The following NKAIN2 variants were observed in gnomAD, a reference collection of about 807,000 sequenced individuals.
NKAIN2 encodes sodium/potassium transporting ATPase interacting 2.
NKAIN2 carries 14 observed loss-of-function variants against 32.6 expected under a neutral mutation model. The ratio of observed to expected loss-of-function variants is 0.43; its 90% CI spans 0.28 to 0.67. The LOEUF is 0.67. NKAIN2 is among the 30% of genes least tolerant of loss of function. The pLI is 0.17. For missense variants in NKAIN2, 198 were observed against 258.3 expected, an observed-to-expected ratio of 0.77 and a Z score of 1.60; for synonymous variants, 80 against 87.2, an observed-to-expected ratio of 0.92 and a Z score of 0.46.
intron 1 of NKAIN2, among the ~76,000 whole-genome samples, chr6:124,072,517 C>T (rs538645436): frequency 7.2e-5 from 11 of 152,054 alleles, no homozygotes; most frequent in Non-Finnish European, 1.6e-4. Context: ...AAAGAAATTT[C>T]ATTTTCCCCT....
intron 2 of NKAIN2, among the ~76,000 whole-genome samples, chr6:124,310,756 G>A (rs972851434): frequency 2.6e-5 from 4 of 152,054 alleles, no homozygotes; most frequent in East Asian, 1.9e-4. Context: ...GATTGCCAGC[G>A]AATTCCTCTC....
intron 1 of NKAIN2, among the ~76,000 whole-genome samples, chr6:123,879,238 C>T (rs1366401867): frequency 6.6e-6 from 1 of 152,156 alleles, no homozygotes; most frequent in Non-Finnish European, 1.5e-5. Flanking sequence ...ATATAAATAA[C>T]CCAAATGCTT....
At chr6:124,070,354 A>G (rs1396958595) in intron 1 of NKAIN2, among the ~76,000 whole-genome samples, 3 of 151,806 alleles carry the variant, frequency 2.0e-5, no homozygotes, top group Non-Finnish European at 4.4e-5. Context: ...CTTCCAACCT[A>G]CCTGAATCTT....
intron 1 of NKAIN2, among the ~76,000 whole-genome samples, chr6:123,855,520 C>A (rs1414511141): frequency 5.3e-5 from 8 of 152,150 alleles, no homozygotes; most frequent in Non-Finnish European, 1.2e-4. Context: ...AGTACTGATT[C>A]TTTGTGGTTG....
At chr6:124,721,050 A>G (rs1175969862) in intron 4 of NKAIN2, among the ~76,000 whole-genome samples, 11 of 152,238 alleles carry the variant, frequency 7.2e-5, no homozygotes, top group Admixed American at 7.2e-4. Flanking sequence ...GAAAACTTCC[A>G]ACAAAGCATT....
intron 1 of NKAIN2, among the ~76,000 whole-genome samples, chr6:124,253,559 A>T (rs1244363961): frequency 6.6e-6 from 1 of 152,168 alleles, no homozygotes; most frequent in Non-Finnish European, 1.5e-5. Context: ...CTAGTCCAAT[A>T]GGACTCTCTT....
At chr6:124,810,618 A>T (rs1780853217) in intron 5 of NKAIN2, among the ~76,000 whole-genome samples, 1 of 152,088 alleles carries the variant, frequency 6.6e-6, no homozygotes, top group Non-Finnish European at 1.5e-5. Context: ...GTACCCTAAA[A>T]CTTAAAGTAT....
chr6:124,387,222 A>C (rs1327598607), intron 3 of NKAIN2, among the ~76,000 whole-genome samples: 1 of 152,128 alleles, frequency 6.6e-6, no homozygotes, highest in African/African-American at 2.4e-5. Flanking sequence ...CAATAGAAAA[A>C]TGATAAGCAA....
intron 4 of NKAIN2, among the ~76,000 whole-genome samples, chr6:124,782,606 C>A (rs911230864): frequency 3.3e-5 from 5 of 152,034 alleles, no homozygotes; most frequent in Admixed American, 6.6e-5. Flanking sequence ...AGAGAATATT[C>A]AATATGGGCA....
intron 1 of NKAIN2, among the ~76,000 whole-genome samples, chr6:123,804,475 G>T (rs1454881516): frequency 6.6e-6 from 1 of 150,702 alleles, no homozygotes; most frequent in African/African-American, 2.4e-5. Flanking sequence ...TTTTAAGACA[G>T]TTTGGCAGGT....
chr6:124,255,971 A>G (rs1368892547), intron 1 of NKAIN2, among the ~76,000 whole-genome samples: 1 of 152,146 alleles, frequency 6.6e-6, no homozygotes, highest in Non-Finnish European at 1.5e-5. Context: ...GAGCAGCATC[A>G]CCTTTATTTG....
intron 3 of NKAIN2, among the ~76,000 whole-genome samples, chr6:124,476,063 A>AGTGTGTGTGTGT (rs772864587): frequency 4.3e-5 from 5 of 115,116 alleles, no homozygotes; most frequent in African/African-American, 1.8e-4. Context: ...AGAGAGAGAG[A>AGTGTGTGTGTGT]GAGTGTGTGT....
chr6:124,109,941 A>G lies in NKAIN2; in HGVS notation c.55-173064A>G, dbSNP rs1785298284. Among the ~76,000 whole-genome samples, 2 of 152,012 alleles carry G rather than the reference A, an allele frequency of 1.3e-5. 1 individual carries two copies. The highest frequency in any genetic ancestry group is 1.3e-4 in the Admixed American group (2 of 15,242). On this transcript the variant is annotated intron_variant, in intron 1 of 6. Coordinates refer to ENST00000368417, the MANE Select transcript of NKAIN2 (RefSeq NM_001040214.3). ...ATGTTGAACATCCTTGCATCACAGG[A>G]ATAAATGCCGCATAATCATCATCTA...
chr6:124,809,704 A>C (rs765815231), intron 5 of NKAIN2, among the ~76,000 whole-genome samples: 5 of 151,726 alleles, frequency 3.3e-5, no homozygotes, highest in Non-Finnish European at 2.9e-5. Flanking sequence ...GCAACCCACA[A>C]AATGGGAGAA....
rs965970419 is a variant in NKAIN2 at position 124,687,166 on chromosome 6, CTATA to C, written c.474+28786_474+28789del. On this transcript the variant is annotated intron_variant, in intron 4 of 6. Transcript: ENST00000368417. ...TATATATATGGAATATAAATATTCT[CTATA>C]TATATTCCATATACATATATACATA... Among the ~76,000 whole-genome samples, 8 of 146,346 alleles carry C rather than the reference CTATA, an allele frequency of 5.5e-5. No individual in the cohort carries two copies. In the South Asian group the frequency reaches 1.1e-3, roughly 20 times the overall value.
intron 3 of NKAIN2, among the ~76,000 whole-genome samples, chr6:124,507,226 A>T (rs1778520597): frequency 6.6e-6 from 1 of 152,288 alleles, no homozygotes; most frequent in South Asian, 2.1e-4. Flanking sequence ...AATGTGGGGC[A>T]TATTATTCTT....
At chr6:124,224,004 A>G (rs1195847126) in intron 1 of NKAIN2, among the ~76,000 whole-genome samples, 1 of 152,146 alleles carries the variant, frequency 6.6e-6, no homozygotes, top group Admixed American at 6.5e-5. Flanking sequence ...ATTAATCTAC[A>G]ACTTAAGGAA....
chr6:124,336,625 T>A (rs932401754), intron 2 of NKAIN2, among the ~76,000 whole-genome samples: 2 of 152,154 alleles, frequency 1.3e-5, no homozygotes, highest in South Asian at 2.1e-4. Flanking sequence ...TAATTTAGTA[T>A]TTTCTTATGT....
chr6:124,153,346 AT>A (rs1253564963), intron 1 of NKAIN2, among the ~76,000 whole-genome samples: 1 of 151,830 alleles, frequency 6.6e-6, no homozygotes, highest in African/African-American at 2.4e-5. Context: ...TTCTACATCA[AT>A]TTTAGAATTC....
Sources: gnomAD v4.1 joint callset for allele counts (sites outside exome capture counted in the v4.1 genomes callset) on GRCh38, gnomAD v4.1.1 for gene constraint, MANE v1.5 for transcripts, NCBI Gene and HGNC (gene_info 2026-07-23, HGNC 2026-07-21) for gene names.